PTPRT: variants seen among roughly 807,000 people sequenced by gnomAD.
The protein encoded by PTPRT is receptor-type tyrosine-protein phosphatase T.
Under a neutral mutation model 176.8 loss-of-function variants are expected in PTPRT, and 56 were observed. The ratio of observed to expected loss-of-function variants is 0.32; its 90% CI spans 0.26 to 0.40. PTPRT has a LOEUF of 0.40. Among genes scored for constraint, PTPRT ranks in the 10% least tolerant of loss-of-function variants. PTPRT has a pLI of 1.00. For synonymous variants in PTPRT, 783 were observed against 739.0 expected (o/e 1.06, Z -0.96); for missense variants, 1,540 against 1,908.2 (o/e 0.81, Z 3.60).
intron 2 of PTPRT, among the ~76,000 whole-genome samples, chr20:42,793,778 G>A (rs1313460427): frequency 6.6e-6 from 1 of 152,126 alleles, no homozygotes; most frequent in Non-Finnish European, 1.5e-5. Flanking sequence ...TCTGTCCACT[G>A]GCCTACATGC....
rs73906972 is a variant in PTPRT, at chr20:42,594,669, G to A, written c.1153+83197C>T. ...CTCCAGACTGCTTTAGAAGGGTAGC[G>A]TCCCTAGAATTGAGATTCTGAATTA... On this transcript the variant is annotated intron_variant, in intron 7 of 30. Transcript: ENST00000373187. Among the ~76,000 whole-genome samples, 1,056 of 152,198 alleles carry A rather than the reference G, an allele frequency of 6.9e-3. 17 individuals are homozygous for A. Among genetic ancestry groups the A allele is most frequent in the African/African-American group, 0.024 (999 of 41,506 alleles).
intron 7 of PTPRT, among the ~76,000 whole-genome samples, chr20:42,559,384 T>A (rs13041742): frequency 6.6e-6 from 1 of 152,068 alleles, no homozygotes; most frequent in Non-Finnish European, 1.5e-5. Context: ...ATGTAACTTA[T>A]GCAAAGCAGC....
chr20:42,531,115 C>T (rs887533870), intron 7 of PTPRT, among the ~76,000 whole-genome samples: 14 of 152,340 alleles, frequency 9.2e-5, no homozygotes, highest in Admixed American at 6.5e-4. Flanking sequence ...AAGTTGGCAA[C>T]TTAAAACCTG....
intron 7 of PTPRT, among the ~76,000 whole-genome samples, chr20:42,515,778 C>T (rs188903102): frequency 1.3e-5 from 2 of 151,950 alleles, no homozygotes; most frequent in African/African-American, 4.8e-5. Context: ...GACTATAAAT[C>T]ATGCTGCTAT....
At chr20:42,986,001 G>A (rs1339892741) in intron 1 of PTPRT, among the ~76,000 whole-genome samples, 1 of 152,120 alleles carries the variant, frequency 6.6e-6, no homozygotes, top group East Asian at 1.9e-4. Flanking sequence ...AAGACAACAG[G>A]GACATAAAAT....
intron 6 of PTPRT, among the ~76,000 whole-genome samples, chr20:42,740,829 C>T (rs1425732683): frequency 6.6e-6 from 1 of 152,106 alleles, no homozygotes; most frequent in Non-Finnish European, 1.5e-5. Context: ...CCAGAGCTGC[C>T]ACCAAGAACT....
chr20:42,106,074 T>TCTTAGGG (rs1251782137), intron 24 of PTPRT, among the ~76,000 whole-genome samples: 1 of 152,092 alleles, frequency 6.6e-6, no homozygotes, highest in East Asian at 1.9e-4. Context: ...GTATGTGAGG[T>TCTTAGGG]CTTAGGGACA....
chr20:42,633,261 C>T (rs2074453398), intron 7 of PTPRT, among the ~76,000 whole-genome samples: 1 of 152,078 alleles, frequency 6.6e-6, no homozygotes, highest in South Asian at 2.1e-4. Flanking sequence ...CAGAAGTAGA[C>T]TGGCTAAAAT....
intron 1 of PTPRT, among the ~76,000 whole-genome samples, chr20:42,980,157 ATTT>A (rs1032645654): frequency 2.6e-5 from 4 of 152,188 alleles, no homozygotes; most frequent in Non-Finnish European, 5.9e-5. Flanking sequence ...AAATGAATAC[ATTT>A]TCTGCCTTGG....
chr20:42,172,919 C>T (rs1990138891), intron 16 of PTPRT, among the ~76,000 whole-genome samples: 1 of 152,130 alleles, frequency 6.6e-6, no homozygotes, highest in African/African-American at 2.4e-5. Flanking sequence ...AGAATTGTCT[C>T]TCAGTGAAAT....
At chr20:43,084,678 G>C (rs368374956) in intron 1 of PTPRT, among the ~76,000 whole-genome samples, 1 of 152,074 alleles carries the variant, frequency 6.6e-6, no homozygotes, top group Non-Finnish European at 1.5e-5. Context: ...TGTTCTTCTT[G>C]TTGTTACATC....
intron 11 of PTPRT, among the ~76,000 whole-genome samples, chr20:42,328,050 A>G (rs2057911068): frequency 6.6e-6 from 1 of 152,136 alleles, no homozygotes; most frequent in Non-Finnish European, 1.5e-5. Context: ...TTCTGCACAA[A>G]TGAAAACCTC....
chr20:42,547,613 C>T (rs557910144), intron 7 of PTPRT, among the ~76,000 whole-genome samples: 8 of 152,044 alleles, frequency 5.3e-5, no homozygotes, highest in African/African-American at 1.9e-4. Flanking sequence ...ACATTCTTAA[C>T]TTGTTAAAGG....
At chr20:42,314,402 A>T (rs1180798525) in intron 12 of PTPRT, among the ~76,000 whole-genome samples, 2 of 151,706 alleles carry the variant, frequency 1.3e-5, no homozygotes, top group East Asian at 3.9e-4. Flanking sequence ...GGTGGTGGGC[A>T]CCTGTAGTCC....
chr20:42,962,871 A>G (rs112211195), intron 1 of PTPRT, among the ~76,000 whole-genome samples: 42 of 152,236 alleles, frequency 2.8e-4, no homozygotes, highest in African/African-American at 9.6e-4. Flanking sequence ...GTTCAAGACC[A>G]GCCTGGCCAA....
At chr20:43,109,564 G>T (rs1169026508) in intron 1 of PTPRT, among the ~76,000 whole-genome samples, 1 of 151,994 alleles carries the variant, frequency 6.6e-6, no homozygotes, top group African/African-American at 2.4e-5. Context: ...TTGTGCTAGG[G>T]GCTGAGGATA....
chr20:43,098,514 C>A (rs1277618848), intron 1 of PTPRT, among the ~76,000 whole-genome samples: 1 of 151,950 alleles, frequency 6.6e-6, no homozygotes, highest in African/African-American at 2.4e-5. Flanking sequence ...CATAAGCCAG[C>A]CCTCTCTTCA....
At chr20:42,274,900 G>A (rs943766286) in intron 13 of PTPRT, among the ~76,000 whole-genome samples, 7 of 152,124 alleles carry the variant, frequency 4.6e-5, no homozygotes, top group African/African-American at 1.2e-4. Context: ...TACTAGAAAA[G>A]AGGCATGGGA....
At chr20:42,031,899 A>G in the PTPRT span, among the ~76,000 whole-genome samples, 30 of 152,284 alleles carry the variant, frequency 2.0e-4, no homozygotes, top group African/African-American at 6.5e-4. Context: ...TCATAACCCT[A>G]TGTATCAGGC....
Sources: allele counts gnomAD v4.1 joint callset (sites outside exome capture counted in the v4.1 genomes callset), GRCh38; gene constraint gnomAD v4.1.1; transcripts MANE v1.5; gene names NCBI Gene and HGNC (gene_info 2026-07-23, HGNC 2026-07-21).